The following KCND2 variants were observed in gnomAD, a reference collection of about 807,000 sequenced individuals.
The protein encoded by KCND2 is potassium voltage-gated channel subfamily D member 2.
Under a neutral mutation model 54.4 loss-of-function variants are expected in KCND2, and 16 were observed. The observed-to-expected ratio is 0.29, with a 90% confidence interval of 0.20 to 0.45. The LOEUF is 0.45. KCND2 is among the 20% of genes least tolerant of loss of function. The pLI is 1.00. For synonymous variants in KCND2, 317 were observed against 310.7 expected, an observed-to-expected ratio of 1.02 and a Z score of -0.21; for missense variants, 486 against 824.2, an observed-to-expected ratio of 0.59 and a Z score of 5.02.
chr7:120,519,768 G>A (rs1479482001), intron 1 of KCND2, among the ~76,000 whole-genome samples: 3 of 151,948 alleles, frequency 2.0e-5, no homozygotes, highest in African/African-American at 4.8e-5. Context: ...TTTCCAATAG[G>A]CAAAACTTTC....
At chr7:120,319,693 T>G (rs987733194) in intron 1 of KCND2, among the ~76,000 whole-genome samples, 1 of 152,130 alleles carries the variant, frequency 6.6e-6, no homozygotes, top group African/African-American at 2.4e-5. Flanking sequence ...AAAATATTGT[T>G]AAGATAATTA....
At chr7:120,385,957 T>G (rs574401103) in intron 1 of KCND2, among the ~76,000 whole-genome samples, 1 of 152,274 alleles carries the variant, frequency 6.6e-6, no homozygotes, top group South Asian at 2.1e-4. Flanking sequence ...ACTAATTCCA[T>G]CTAGACTTCT....
At chr7:120,370,598 T>A (rs939268875) in intron 1 of KCND2, among the ~76,000 whole-genome samples, 1 of 152,000 alleles carries the variant, frequency 6.6e-6, no homozygotes, top group African/African-American at 2.4e-5. Context: ...TGCCAGATAC[T>A]CTCTATTTTA....
chr7:120,551,302 C>A (rs986008933), intron 1 of KCND2, among the ~76,000 whole-genome samples: 1 of 152,168 alleles, frequency 6.6e-6, no homozygotes. Flanking sequence ...TTCCTAAGAA[C>A]CCCTCATAGT....
chr7:120,587,468 C>T (rs10156125), intron 1 of KCND2, among the ~76,000 whole-genome samples: 3 of 151,994 alleles, frequency 2.0e-5, no homozygotes, highest in African/African-American at 2.4e-5. Context: ...CATGATCAGT[C>T]AGAATGGTTT....
At position 120,275,407 on chromosome 7, in the gene KCND2, C is replaced by T. The variant is rs747264690; in HGVS notation, c.775C>T (p.Arg259Cys). The change falls in exon 1 of 6, where the codon CGT (arginine) becomes TGT (cysteine). Residue 259 changes from arginine (R) to cysteine (C), a missense_variant. Arg to Cys is a radical substitution (Grantham distance 180). Transcript: ENST00000331113. ...AAAPSRYRFV[R>C]SVMSIIDVVA... ...AGCGCCTAGTCGTTACCGTTTTGTGCGTAGTGTCATGAGTATCATCGACGT... is the reference window on the plus strand; with the variant it reads ...AGCGCCTAGTCGTTACCGTTTTGTGTGTAGTGTCATGAGTATCATCGACGT... 1 of 1,613,604 alleles carries T rather than the reference C, an allele frequency of 6.2e-7. No homozygotes were observed. The highest frequency in any genetic ancestry group is 8.5e-7 in the Non-Finnish European group (1 of 1,179,940).
intron 1 of KCND2, among the ~76,000 whole-genome samples, chr7:120,369,959 A>G (rs745759889): frequency 2.0e-5 from 3 of 152,046 alleles, no homozygotes; most frequent in Non-Finnish European, 4.4e-5. Flanking sequence ...CAAAAATGAA[A>G]AAGCAAATGT....
At chr7:120,619,159 C>T (rs560930463) in intron 1 of KCND2, among the ~76,000 whole-genome samples, 1 of 152,280 alleles carries the variant, frequency 6.6e-6, no homozygotes, top group Non-Finnish European at 1.5e-5. Flanking sequence ...TGGCTGGGCA[C>T]GGTGGCTCAT....
chr7:120,479,756 C>G (rs1802576454), intron 1 of KCND2, among the ~76,000 whole-genome samples: 1 of 142,932 alleles, frequency 7.0e-6, no homozygotes, highest in Admixed American at 7.2e-5. Flanking sequence ...TGGCAAAACC[C>G]CATCTCTAAA....
chr7:120,367,367 A>T (rs1221093190), intron 1 of KCND2, among the ~76,000 whole-genome samples: 3 of 152,084 alleles, frequency 2.0e-5, no homozygotes, highest in African/African-American at 2.4e-5. Context: ...TTTCCTTTAA[A>T]AAAAGACAAA....
intron 1 of KCND2, among the ~76,000 whole-genome samples, chr7:120,398,044 C>G (rs907566729): frequency 8.4e-6 from 1 of 118,850 alleles, no homozygotes; most frequent in Non-Finnish European, 1.7e-5. Flanking sequence ...TATATTTGCT[C>G]TTTTTCCAGC....
chr7:120,512,669 C>T (rs529051002), intron 1 of KCND2, among the ~76,000 whole-genome samples: 2 of 151,968 alleles, frequency 1.3e-5, no homozygotes, highest in African/African-American at 4.8e-5. Flanking sequence ...GTAGATGATA[C>T]TTGCATGTTA....
In KCND2 at chr7:120,597,620, T is replaced by C. The variant is rs2116467877; in HGVS notation, c.1116-135283T>C. 2.6e-5 allele frequency among the ~76,000 whole-genome samples: 4 copies of C among 152,294 alleles called. No homozygotes were observed. In the South Asian group the frequency reaches 8.3e-4, roughly 32 times the overall value. On this transcript the variant is annotated intron_variant, in intron 1 of 5. Coordinates refer to ENST00000331113, the MANE Select transcript of KCND2 (RefSeq NM_012281.3). ...TTACATACTTGGGCATGCAGAACTTTCTGAACCTTAAAGAGCTCTACAATT... is the reference window on the plus strand; with the variant it reads ...TTACATACTTGGGCATGCAGAACTTCCTGAACCTTAAAGAGCTCTACAATT...
intron 1 of KCND2, among the ~76,000 whole-genome samples, chr7:120,313,272 AATTG>A (rs1799766294): frequency 6.6e-6 from 1 of 152,172 alleles, no homozygotes; most frequent in Non-Finnish European, 1.5e-5. Context: ...ATCTTAAACA[AATTG>A]ATTGATAAAG....
At chr7:120,335,527 C>T (rs1211783743) in intron 1 of KCND2, among the ~76,000 whole-genome samples, 1 of 150,162 alleles carries the variant, frequency 6.7e-6, no homozygotes, top group Non-Finnish European at 1.5e-5. Flanking sequence ...CGCTCTGTCG[C>T]CCAGGCTGGA....
intron 1 of KCND2, among the ~76,000 whole-genome samples, chr7:120,463,311 C>G (rs1028377022): frequency 6.6e-6 from 1 of 151,728 alleles, no homozygotes; most frequent in African/African-American, 2.4e-5. Context: ...AACTGATACC[C>G]TCCTTCTTTA....
chr7:120,482,917 T>A (rs1802627454), intron 1 of KCND2, among the ~76,000 whole-genome samples: 1 of 152,216 alleles, frequency 6.6e-6, no homozygotes, highest in Non-Finnish European at 1.5e-5. Flanking sequence ...GCGTCACTTA[T>A]TACTCATGAC....
rs1183479907 is a variant in KCND2 at position 120,657,035 on chromosome 7, G to C, written c.1116-75868G>C. 3.3e-5 allele frequency among the ~76,000 whole-genome samples: 5 copies of C among 152,152 alleles called. No individual in the cohort carries two copies. In the South Asian group the frequency reaches 6.2e-4, roughly 19 times the overall value. On this transcript the variant is annotated intron_variant, in intron 1 of 5. Coordinates refer to ENST00000331113, the MANE Select transcript of KCND2 (RefSeq NM_012281.3). ...TTTGGCAAAAAGACAGAGGAAAATA[G>C]CTTTGTAACAGAACTTGCCTTTTAA... is the stretch of plus-strand genomic sequence containing the variant.
intron 1 of KCND2, among the ~76,000 whole-genome samples, chr7:120,717,365 G>A (rs1477562232): frequency 6.6e-6 from 1 of 152,060 alleles, no homozygotes; most frequent in African/African-American, 2.4e-5. Flanking sequence ...CAGGACAAGT[G>A]GGGCAGGGTG....
Sources: allele counts gnomAD v4.1 joint callset (sites outside exome capture counted in the v4.1 genomes callset), GRCh38; gene constraint gnomAD v4.1.1; transcripts MANE v1.5; gene names NCBI Gene and HGNC (gene_info 2026-07-23, HGNC 2026-07-21).